The following LRRC15 variants were observed in gnomAD, a reference collection of about 807,000 sequenced individuals.
LRRC15 encodes the protein leucine rich repeat containing 15, also known as leucine-rich repeat-containing protein 15.
LRRC15 carries 5 observed loss-of-function variants against 4.3 expected under a neutral mutation model. The observed-to-expected ratio is 1.16, with a 90% CI of 0.61 to 2.44. LRRC15 has a LOEUF of 2.44. Among genes scored for constraint, LRRC15 ranks in the 30% most tolerant of loss-of-function variants. The pLI, the probability that LRRC15 is intolerant of heterozygous loss-of-function variation, is 0.01. For missense variants in LRRC15, 769 were observed against 747.0 expected (o/e 1.03, Z -0.34); for synonymous variants, 337 against 323.2 (o/e 1.04, Z -0.46).
At chr3:194,363,933 G>C (rs1397783181) in intron 1 of LRRC15, among the ~76,000 whole-genome samples, 1 of 152,212 alleles carries the variant, frequency 6.6e-6, no homozygotes. Context: ...TAGCATCCCT[G>C]AAGGGCTGCC....
intron 1 of LRRC15, among the ~76,000 whole-genome samples, chr3:194,362,783 C>T (rs553552364): frequency 6.4e-4 from 98 of 152,234 alleles, no homozygotes; most frequent in Non-Finnish European, 1.1e-3. Flanking sequence ...GTCTGTGGCT[C>T]TGAACTCACG....
chr3:194,365,108 G>A (rs1713738643), intron 1 of LRRC15, among the ~76,000 whole-genome samples: 1 of 152,210 alleles, frequency 6.6e-6, no homozygotes, highest in Non-Finnish European at 1.5e-5. Flanking sequence ...TCTCCCCCAG[G>A]CAGCCGAGAG....
Position 194,359,521 on chromosome 3 carries a change from A to C in LRRC15, c.1523T>G (p.Leu508Arg). 3.1e-6 allele frequency: 5 copies of C among 1,614,226 alleles called. No homozygotes were observed. The highest frequency in any genetic ancestry group is 4.2e-6 in the Non-Finnish European group (5 of 1,180,038). ...DTTSVSSTTE[L>R]TSPVEDYTDL... ...AGTGTAGTCTTCCACAGGGCTGGTT[A>C]GCTCAGTGGTAGAAGAGACGGATGT... The change falls in exon 2 of 2, where the codon CTA becomes CGA. Residue 508 changes from leucine to arginine, a missense_variant. Transcript: ENST00000347624.
At chr3:194,363,560 G>A in intron 1 of LRRC15, 1 of 437,906 alleles carries the variant, frequency 2.3e-6, no homozygotes, top group Non-Finnish European at 4.2e-6. Flanking sequence ...CGATAACAAA[G>A]GAAGGAGGCT....
Position 194,360,194 on chromosome 3 carries a change from G to A in LRRC15, c.850C>T (p.Leu284Phe), listed in dbSNP as rs780237233. 6.2e-7 allele frequency: 1 copy of A among 1,613,760 alleles called. No homozygotes were observed. Among genetic ancestry groups the A allele is most frequent in the Admixed American group, 1.7e-5 (1 of 59,992 alleles). ...LTLFGNSLKE[L>F]SPGIFGPMPN... is the part of the protein sequence containing the mutation. ...ATGGGCCCGAAGATCCCCGGAGAGA[G>A]CTCCTTCAGGGAATTCCCAAAGAGA... Residue 284 changes from leucine (L) to phenylalanine (F), a missense_variant, in exon 2 of 2, where the codon CTC (leucine) becomes TTC (phenylalanine). Leu to Phe is a conservative substitution (Grantham distance 22, BLOSUM62 0). Transcript: ENST00000347624.
chr3:194,360,465 G>A lies in LRRC15; in HGVS notation c.579C>T (p.Phe193=). The change falls in exon 2 of 2, where the codon TTC becomes TTT. Residue 193 remains phenylalanine, a synonymous_variant. Coordinates refer to ENST00000347624, the MANE Select transcript of LRRC15 (RefSeq NM_130830.5). The part of the protein sequence containing the change: ...NSLTHISPRV[F]QHLGNLQVLR... ...GGACCTGGAGGTTGCCCAGGTGCTG[G>A]AAGACCCTGGGTGAGATGTGGGTGA... 6.2e-7 allele frequency: 1 copy of A among 1,614,158 alleles called. No individual in the cohort carries two copies. Among genetic ancestry groups the A allele is most frequent in the Non-Finnish European group, 8.5e-7 (1 of 1,180,008 alleles).
At position 194,356,558 on chromosome 3, in the gene LRRC15, A is replaced by T. The variant is rs1713433770; in HGVS notation, c.*2740T>A. On this transcript the variant is annotated 3_prime_UTR_variant, in exon 2 of 2. Coordinates refer to ENST00000347624, the MANE Select transcript of LRRC15 (RefSeq NM_130830.5). ...GAAAAGGAGGCCAATGGCTCCATCC[A>T]ACCACTCTGATGGGAGAAAGGAAGA... 6.6e-6 allele frequency: 1 copy of T among 152,296 alleles called. No homozygotes were observed. The highest frequency in any genetic ancestry group is 6.5e-5 in the Admixed American group (1 of 15,288). 9.4% of individuals were successfully genotyped at this position (152,296 alleles called of 1,614,324 possible).
chr3:194,356,016 G>A lies in LRRC15; in HGVS notation c.*3282C>T, dbSNP rs1713415346. On this transcript the variant is annotated 3_prime_UTR_variant, in exon 2 of 2. Transcript: ENST00000347624. ...TGACCAAGACTAAGGAGAGCAACAGGGGAATGGCTTCCATTTCCTTTGGTT... is the reference window on the plus strand; with the variant it reads ...TGACCAAGACTAAGGAGAGCAACAGAGGAATGGCTTCCATTTCCTTTGGTT... The A allele has an allele frequency of 6.6e-6, 1 of 152,162 alleles. No homozygotes were observed. Among genetic ancestry groups the A allele is most frequent in the Non-Finnish European group, 1.5e-5 (1 of 68,024 alleles). The allele number at this position is 152,162 out of a possible 1,614,324, so 9.4% of individuals were successfully genotyped here. A position where few individuals can be genotyped will look rare whatever the true frequency, so the allele number is the denominator to read the frequency against.
chr3:194,368,913 C>T (rs894792594), intron 1 of LRRC15, among the ~76,000 whole-genome samples: 2 of 152,212 alleles, frequency 1.3e-5, no homozygotes, highest in African/African-American at 2.4e-5. Context: ...CATCACAAAT[C>T]CATCTCCTGC....
At position 194,357,617 on chromosome 3, in the gene LRRC15, C is replaced by T. The variant is rs574165690; in HGVS notation, c.*1681G>A. The T allele has an allele frequency of 2.0e-4, 30 of 152,316 alleles. No individual in the cohort carries two copies. The highest frequency in any genetic ancestry group is 7.2e-4 in the African/African-American group (30 of 41,564). 9.4% of individuals were successfully genotyped at this position (152,316 alleles called of 1,614,324 possible). ...GACTGTGACTCGAGGAGGAGAATAA[C>T]CCTGGAGCAAACAACTCAACTCCTA... On this transcript the variant is annotated 3_prime_UTR_variant, in exon 2 of 2. Transcript: ENST00000347624.
intron 1 of LRRC15, among the ~76,000 whole-genome samples, chr3:194,367,012 C>T (rs1713801996): frequency 6.6e-6 from 1 of 152,250 alleles, no homozygotes; most frequent in Non-Finnish European, 1.5e-5. Context: ...CACCCTCCAG[C>T]TTAAATCAAC....
In LRRC15 at chr3:194,360,226, C is replaced by T. The variant is rs888813435; in HGVS notation, c.818G>A (p.Arg273His). ...SVFMQLPQLN[R>H]LTLFGNSLKE... is the part of the protein sequence containing the mutation. Reference sequence around the variant, plus strand: ...CAGGGAATTCCCAAAGAGAGTAAGACGGTTGAGCTGGGGCAGCTGCATGAA... The same window carrying T: ...CAGGGAATTCCCAAAGAGAGTAAGATGGTTGAGCTGGGGCAGCTGCATGAA... The change falls in exon 2 of 2, where the codon CGT becomes CAT. Residue 273 changes from arginine (R) to histidine (H), a missense_variant. Coordinates refer to ENST00000347624, the MANE Select transcript of LRRC15 (RefSeq NM_130830.5). The T allele has an allele frequency of 2.3e-5, 37 of 1,613,652 alleles. No individual in the cohort carries two copies. The highest frequency in any genetic ancestry group is 1.6e-4 in the Middle Eastern group (1 of 6,084).
intron 1 of LRRC15, among the ~76,000 whole-genome samples, chr3:194,366,653 T>G (rs764875503): frequency 2.2e-4 from 34 of 152,006 alleles, no homozygotes; most frequent in Non-Finnish European, 4.1e-4. Context: ...AATATTTCTC[T>G]CAGCGGCCCC....
At chr3:194,369,094 G>A (rs1713868903) in intron 1 of LRRC15, among the ~76,000 whole-genome samples, 1 of 152,228 alleles carries the variant, frequency 6.6e-6, no homozygotes, top group African/African-American at 2.4e-5. Context: ...CAGCACATCT[G>A]CTGAAGTTAC....
intron 1 of LRRC15, among the ~76,000 whole-genome samples, chr3:194,362,682 T>A (rs1713665021): frequency 2.0e-5 from 3 of 152,098 alleles, no homozygotes; most frequent in Admixed American, 1.3e-4. Context: ...TCCCTTTCCA[T>A]GAGCAAAAAT....
At chr3:194,368,793 A>G (rs1171361559) in intron 1 of LRRC15, among the ~76,000 whole-genome samples, 1 of 152,042 alleles carries the variant, frequency 6.6e-6, no homozygotes, top group Non-Finnish European at 1.5e-5. Context: ...AGAGTCCTGA[A>G]AGCTCTGGTT....
rs780088793 is a variant in LRRC15, at chr3:194,359,441, C to A, written c.1603G>T (p.Ala535Ser). Residue 535 changes from alanine (A) to serine (S), a missense_variant, in exon 2 of 2, where the codon GCC becomes TCC. By Grantham distance (99) the Ala-to-Ser change is moderately conservative. Transcript: ENST00000347624. ...DDRSVWGMTQ[A>S]QSGLAIAAIV... ...GCGGCAATGGCCAGCCCGCTCTGGG[C>A]CTGGGTCATGCCCCAAACGCTGCGG... 2 of 1,614,140 alleles carry A rather than the reference C, an allele frequency of 1.2e-6. No individual in the cohort carries two copies. The highest frequency in any genetic ancestry group is 1.3e-5 in the African/African-American group (1 of 74,956).
chr3:194,358,692 A>C lies in LRRC15; in HGVS notation c.*606T>G, dbSNP rs76922026. On this transcript the variant is annotated 3_prime_UTR_variant, in exon 2 of 2. Coordinates refer to ENST00000347624, the MANE Select transcript of LRRC15 (RefSeq NM_130830.5). ...TCCTTCTCTCTTTCATAGCATCCCCAAAACCAGGCTGATTGACGGCTCTTA... is the reference window on the plus strand; with the variant it reads ...TCCTTCTCTCTTTCATAGCATCCCCCAAACCAGGCTGATTGACGGCTCTTA... 6.8e-3 allele frequency: 1,034 copies of C among 152,836 alleles called. 8 individuals carry two copies. The highest frequency in any genetic ancestry group is 0.017 in the Middle Eastern group (5 of 294). 9.5% of individuals were successfully genotyped at this position (152,836 alleles called of 1,614,324 possible). A position where few individuals can be genotyped will look rare whatever the true frequency, so the allele number is the denominator to read the frequency against.
rs1003246754 is a variant in LRRC15, at chr3:194,359,787, C to T, written c.1257G>A (p.Arg419=). The change falls in exon 2 of 2, where the codon CGG becomes CGA. Residue 419 remains arginine (R), a synonymous_variant. Coordinates refer to ENST00000347624, the MANE Select transcript of LRRC15 (RefSeq NM_130830.5). The stretch of plus-strand genomic sequence containing the variant: ...CACACCTCCAGGGATTGTCATACAG[C>T]CGCAGCTCACACAGTTTCCCCAGGT... ...FDHLGKLCEL[R]LYDNPWRCDS... 3 of 1,614,124 alleles carry T rather than the reference C, an allele frequency of 1.9e-6. No homozygotes were observed. Among genetic ancestry groups the T allele is most frequent in the Non-Finnish European group, 2.5e-6 (3 of 1,180,010 alleles).
Sources: allele counts gnomAD v4.1 joint callset (sites outside exome capture counted in the v4.1 genomes callset), GRCh38; gene constraint gnomAD v4.1.1; transcripts MANE v1.5; gene names NCBI Gene and HGNC (gene_info 2026-07-23, HGNC 2026-07-21).